The following MED15 variants were observed in gnomAD, a reference collection of about 807,000 sequenced individuals.
MED15 encodes the protein mediator complex subunit 15, also known as mediator of RNA polymerase II transcription subunit 15.
A neutral mutation model predicts 118.7 loss-of-function variants in MED15; 41 were observed. That is an observed-to-expected ratio of 0.35 (90% CI 0.27 to 0.45). The LOEUF (loss-of-function observed/expected upper bound fraction) is 0.45. Among genes scored for constraint, MED15 ranks in the 20% least tolerant of loss-of-function variants. MED15 has a pLI of 1.00. For missense variants in MED15, 740 were observed against 1,025.5 expected, an observed-to-expected ratio of 0.72 and a Z score of 3.80; for synonymous variants, 436 against 413.9, an observed-to-expected ratio of 1.05 and a Z score of -0.65.
At chr22:20,574,906 T>A in intron 8 of MED15, 1 of 678,608 alleles carries the variant, frequency 1.5e-6, no homozygotes, top group East Asian at 2.6e-5. Context: ...TTGGCAAATC[T>A]TCTAGATTCC....
intron 1 of MED15, among the ~76,000 whole-genome samples, chr22:20,526,303 C>G (rs139932337): frequency 6.6e-6 from 1 of 152,188 alleles, no homozygotes; most frequent in African/African-American, 2.4e-5. Flanking sequence ...TAGCAACTGC[C>G]TTTACATCTG....
intron 13 of MED15, chr22:20,583,838 A>T: frequency 4.2e-6 from 1 of 236,576 alleles, no homozygotes; most frequent in Non-Finnish European, 8.5e-6. Flanking sequence ...GGTGAGAAGC[A>T]GGTGGAAGGC....
Position 20,586,887 on chromosome 22 carries a change from G to C in MED15, c.*183G>C. The C allele has an allele frequency of 1.0e-6, 1 of 958,146 alleles. No individual in the cohort carries two copies. The highest frequency in any genetic ancestry group is 1.5e-6 in the Non-Finnish European group (1 of 671,138). 59.4% of individuals were successfully genotyped at this position (958,146 alleles called of 1,614,324 possible). A position where few individuals can be genotyped will look rare whatever the true frequency, so the allele number is the denominator to read the frequency against. On this transcript the variant is annotated 3_prime_UTR_variant, in exon 18 of 18. Transcript: ENST00000263205. Reference sequence around the variant, plus strand: ...CCTGTACAGAACTGGGATAGGCGCAGTGGAGCGGGTTGCTTGGGGGGCGTT... The same window carrying C: ...CCTGTACAGAACTGGGATAGGCGCACTGGAGCGGGTTGCTTGGGGGGCGTT...
chr22:20,560,261 CTATTATTAT>C (rs141805630), intron 5 of MED15, among the ~76,000 whole-genome samples: 3 of 151,318 alleles, frequency 2.0e-5, no homozygotes, highest in African/African-American at 4.9e-5. Flanking sequence ...CATTTCTTTT[CTATTATTAT>C]TATTATTATT....
intron 9 of MED15, among the ~76,000 whole-genome samples, chr22:20,576,937 TG>T (rs1206381680): frequency 6.6e-6 from 1 of 152,166 alleles, no homozygotes; most frequent in Non-Finnish European, 1.5e-5. Context: ...TTGCTGTATG[TG>T]GAGGAATGAC....
At position 20,587,237 on chromosome 22, in the gene MED15, GGCTGGCCCATAGGTGCT is replaced by G. The variant is rs2057161476; in HGVS notation, c.*540_*556del. The G allele has an allele frequency of 6.3e-6, 1 of 158,882 alleles. No homozygotes were observed. The highest frequency in any genetic ancestry group is 1.4e-5 in the Non-Finnish European group (1 of 71,764). 9.8% of individuals were successfully genotyped at this position (158,882 alleles called of 1,614,324 possible). A position where few individuals can be genotyped will look rare whatever the true frequency, so the allele number is the denominator to read the frequency against. ...GGCACAGGCTGCCTTTTGGAGGGAG[GGCTGGCCCATAGGTGCT>G]GCTGGCTCCCCGCCACCAGCTGGGC... On this transcript the variant is annotated 3_prime_UTR_variant, in exon 18 of 18. Coordinates refer to ENST00000263205, the MANE Select transcript of MED15 (RefSeq NM_001003891.3).
chr22:20,576,592 A>T (rs933582739), intron 9 of MED15, among the ~76,000 whole-genome samples: 1 of 152,260 alleles, frequency 6.6e-6, no homozygotes, highest in Non-Finnish European at 1.5e-5. Flanking sequence ...TTTGGCAGGG[A>T]CTTCCTTTTT....
At chr22:20,568,774 C>G in intron 8 of MED15, 143 bp downstream of exon 8, 3 of 1,361,016 alleles carry the variant, frequency 2.2e-6, no homozygotes, top group Non-Finnish European at 2.0e-6. Context: ...CCCTTGCACT[C>G]TGCAAGACAC....
At chr22:20,551,716 T>C (rs1471402285) in intron 3 of MED15, 8 of 586,580 alleles carry the variant, frequency 1.4e-5, no homozygotes, top group Non-Finnish European at 2.4e-5. Flanking sequence ...GGAAATGCTG[T>C]CCTCAAAGTG....
intron 9 of MED15, among the ~76,000 whole-genome samples, chr22:20,580,420 C>T (rs916381270): frequency 1.3e-5 from 2 of 152,152 alleles, no homozygotes; most frequent in Non-Finnish European, 2.9e-5. Flanking sequence ...AAGAGCTGAC[C>T]ATCTTCTAGA....
intron 1 of MED15, chr22:20,508,169 G>C: frequency 1.6e-6 from 2 of 1,217,870 alleles, no homozygotes; most frequent in South Asian, 3.1e-5. Flanking sequence ...GATGGGAGGA[G>C]GGTGGATGTA....
chr22:20,553,195 G>A (rs754292872), intron 4 of MED15, 21 bp downstream of exon 4: 1 of 1,610,046 alleles, frequency 6.2e-7, no homozygotes, highest in East Asian at 2.2e-5. Flanking sequence ...TCCCTTTTGA[G>A]TTAAAGTTTC....
chr22:20,569,048 T>C (rs1012629998), intron 8 of MED15, among the ~76,000 whole-genome samples: 2 of 152,158 alleles, frequency 1.3e-5, no homozygotes, highest in Non-Finnish European at 2.9e-5. Flanking sequence ...GGGAGCCACA[T>C]GCAGCAGGAG....
intron 3 of MED15, chr22:20,552,483 C>T: frequency 2.5e-6 from 1 of 394,676 alleles, no homozygotes; most frequent in Admixed American, 3.5e-5. Context: ...GGAGAAGGAG[C>T]AGCCCAGATG....
At chr22:20,527,917 A>G (rs1421002487) in intron 1 of MED15, among the ~76,000 whole-genome samples, 1 of 147,714 alleles carries the variant, frequency 6.8e-6, no homozygotes, top group Admixed American at 6.9e-5. Context: ...AGATCGTGCC[A>G]CTGGACTCCA....
chr22:20,577,547 GC>G (rs1323489883), intron 9 of MED15, among the ~76,000 whole-genome samples: 1 of 151,962 alleles, frequency 6.6e-6, no homozygotes, highest in Admixed American at 6.6e-5. Flanking sequence ...ACCCCCAAAG[GC>G]AAGGAGGTAA....
At chr22:20,527,387 G>C (rs1008765712) in intron 1 of MED15, among the ~76,000 whole-genome samples, 2 of 151,216 alleles carry the variant, frequency 1.3e-5, no homozygotes, top group Admixed American at 6.6e-5. Context: ...CCTTTTTATA[G>C]CACCCATTCC....
At position 20,555,114 on chromosome 22, in the gene MED15, C is replaced by G. The variant is rs754928046; in HGVS notation, c.417C>G (p.His139Gln). The change falls in exon 5 of 18, where the codon CAC becomes CAG. Residue 139 changes from histidine to glutamine, a missense_variant. By Grantham distance (24) the His-to-Gln change is conservative. Around this residue, in one of 7 missense-constraint regions of MED15, gnomAD observed 117 missense variants for 124.6 expected, o/e 0.94. Transcript: ENST00000263205. Reference sequence around the variant, plus strand: ...CTGGGACCTCGGGGATGGCCCCTCACAGCATGGCTGTCGTGTCTACGGCAA... The same window carrying G: ...CTGGGACCTCGGGGATGGCCCCTCAGAGCATGGCTGTCGTGTCTACGGCAA... ...PPPGTSGMAP[H>Q]SMAVVSTATP... 4.3e-6 allele frequency: 7 copies of G among 1,609,422 alleles called. No individual in the cohort carries two copies. The highest frequency in any genetic ancestry group is 5.9e-6 in the Non-Finnish European group (7 of 1,178,482).
chr22:20,508,474 G>A (rs1023511103), intron 1 of MED15: 5 of 1,195,340 alleles, frequency 4.2e-6, no homozygotes, highest in Admixed American at 2.4e-5. Flanking sequence ...ATTTCACCTG[G>A]GTGCAGGTGG....
Sources: gnomAD v4.1 joint callset for allele counts (sites outside exome capture counted in the v4.1 genomes callset) on GRCh38, gnomAD v4.1.1 for gene constraint, gnomAD v4.1.1 regional missense constraint, MANE v1.5 for transcripts, NCBI Gene and HGNC (gene_info 2026-07-23, HGNC 2026-07-21) for gene names.